Variants in SLIT2 observed in about 807,000 individuals in gnomAD.
SLIT2 encodes the protein slit guidance ligand 2.
In SLIT2, 41 loss-of-function variants were observed where a neutral mutation model predicts 185.7. The observed-to-expected ratio is 0.22, with a 90% confidence interval of 0.17 to 0.29. The LOEUF is 0.29. SLIT2 is among the 10% of genes least tolerant of loss of function. The pLI is 1.00. For missense variants in SLIT2, 1,571 were observed against 1,909.0 expected (o/e 0.82, Z 3.30); for synonymous variants, 693 against 680.2 (o/e 1.02, Z -0.29).
At chr4:20,455,504 AGATATT>A (rs1269920130) in intron 4 of SLIT2, among the ~76,000 whole-genome samples, 4 of 152,206 alleles carry the variant, frequency 2.6e-5, no homozygotes, top group African/African-American at 9.6e-5. Flanking sequence ...CAACAGAGAT[AGATATT>A]GATTTTAAAA....
At chr4:20,499,067 A>T (rs1718478198) in intron 9 of SLIT2, among the ~76,000 whole-genome samples, 1 of 152,186 alleles carries the variant, frequency 6.6e-6, no homozygotes, top group African/African-American at 2.4e-5. Context: ...TTTTCTCTGC[A>T]TCCACACCAT....
intron 4 of SLIT2, among the ~76,000 whole-genome samples, chr4:20,366,809 A>G (rs544053176): frequency 6.6e-6 from 1 of 151,872 alleles, no homozygotes. Context: ...TATTTTTTTT[A>G]ATTTTTGAAA....
At chr4:20,468,036 A>C (rs1714551394) in intron 5 of SLIT2, among the ~76,000 whole-genome samples, 1 of 152,136 alleles carries the variant, frequency 6.6e-6, no homozygotes, top group South Asian at 2.1e-4. Context: ...AGCCATCATT[A>C]AATTCATTCT....
chr4:20,598,159 AC>A, intron 32 of SLIT2, 105 bp from the exon 33 acceptor site: 1 of 1,052,596 alleles, frequency 9.5e-7, no homozygotes, highest in Non-Finnish European at 1.3e-6. Flanking sequence ...CATCAGGAAA[AC>A]ATAAACCATA....
At chr4:20,330,936 T>C (rs1019782462) in intron 4 of SLIT2, among the ~76,000 whole-genome samples, 1 of 152,122 alleles carries the variant, frequency 6.6e-6, no homozygotes, top group African/African-American at 2.4e-5. Context: ...ATGTTAAAAT[T>C]GGGTCTTTAA....
At chr4:20,368,942 A>G (rs1425665621) in intron 4 of SLIT2, among the ~76,000 whole-genome samples, 6 of 152,172 alleles carry the variant, frequency 3.9e-5, no homozygotes. Context: ...ATCAATAACA[A>G]GACCCTGTCC....
rs768319788 is a variant in SLIT2 at position 20,502,359 on chromosome 4, G to A, written c.915-8136G>A. On this transcript the variant is annotated intron_variant, in intron 9 of 36. Coordinates refer to ENST00000504154, the MANE Select transcript of SLIT2 (RefSeq NM_004787.4). ...CAAGAAGCACATGCAGAAAAGTGGC[G>A]TTTTAAAAAAGTACTTCTACATACT... 2.0e-4 allele frequency among the ~76,000 whole-genome samples: 31 copies of A among 152,276 alleles called. 1 individual carries two copies. The East Asian group carries it at 2.1e-3, about 10-fold the overall frequency.
At chr4:20,596,354 A>G (rs1391071255) in intron 31 of SLIT2, 61 bp from the exon 32 acceptor site, 1 of 1,519,234 alleles carries the variant, frequency 6.6e-7, no homozygotes, top group African/African-American at 1.4e-5. Context: ...ACAGCTCTCA[A>G]TTCAGATTGG....
rs117040911 is a variant in SLIT2, at chr4:20,532,041, T to C, written c.1671T>C (p.Leu557=). 4.2e-3 allele frequency: 6,651 copies of C among 1,568,450 alleles called. 193 individuals carry two copies. The South Asian group carries it at 0.058, about 14-fold the overall frequency. ...VLEATGIFKK[L]PQLRKINFSN... ...AAGCCACAGGAATCTTTAAGAAACT[T>C]CCTCAATTACGTAAAATGTAAGTCA... The change falls in exon 17 of 37, where the codon CTT becomes CTC. Residue 557 remains leucine (L), a synonymous_variant. Coordinates refer to ENST00000504154, the MANE Select transcript of SLIT2 (RefSeq NM_004787.4).
At chr4:20,388,768 C>A (rs536648544) in intron 4 of SLIT2, among the ~76,000 whole-genome samples, 3 of 125,766 alleles carry the variant, frequency 2.4e-5, no homozygotes, top group Admixed American at 8.6e-5. Context: ...AGCGAGACTC[C>A]GTCTCAGGGG....
At chr4:20,518,557 G>GTGTGTGTGTATATATATATATATATA (rs1271279922) in intron 11 of SLIT2, among the ~76,000 whole-genome samples, 2 of 17,848 alleles carry the variant, frequency 1.1e-4, no homozygotes, top group African/African-American at 4.4e-4. Context: ...CAGCCTATAT[G>GTGTGTGTGTATATATATATATATATA]TATATATATA....
intron 4 of SLIT2, among the ~76,000 whole-genome samples, chr4:20,426,790 G>A (rs953960464): frequency 4.6e-5 from 7 of 152,150 alleles, no homozygotes; most frequent in African/African-American, 1.7e-4. Context: ...ACAATGATAA[G>A]TAGTGCATAT....
At chr4:20,413,208 C>A (rs924432823) in intron 4 of SLIT2, among the ~76,000 whole-genome samples, 7 of 151,852 alleles carry the variant, frequency 4.6e-5, no homozygotes, top group African/African-American at 1.7e-4. Flanking sequence ...ACATAATTTT[C>A]TTTTGTTCTC....
At chr4:20,506,639 A>T (rs1490498441) in intron 9 of SLIT2, among the ~76,000 whole-genome samples, 1 of 152,042 alleles carries the variant, frequency 6.6e-6, no homozygotes, top group African/African-American at 2.4e-5. Context: ...GGTTTAGTTT[A>T]TCAAATATAT....
intron 7 of SLIT2, among the ~76,000 whole-genome samples, chr4:20,487,858 T>C (rs1717396211): frequency 6.6e-6 from 1 of 152,202 alleles, no homozygotes; most frequent in Non-Finnish European, 1.5e-5. Context: ...TTTTATAGCC[T>C]AATTATCTTT....
intron 3 of SLIT2, among the ~76,000 whole-genome samples, chr4:20,266,191 A>C (rs1713016349): frequency 1.3e-5 from 2 of 152,066 alleles, no homozygotes; most frequent in East Asian, 3.9e-4. Flanking sequence ...GAAAAAAAAA[A>C]ACCACTTCTT....
chr4:20,313,345 A>G (rs972460296), intron 4 of SLIT2, among the ~76,000 whole-genome samples: 1 of 152,122 alleles, frequency 6.6e-6, no homozygotes, highest in Non-Finnish European at 1.5e-5. Flanking sequence ...AGGGAGGCAG[A>G]TGCCGTATGT....
intron 4 of SLIT2, among the ~76,000 whole-genome samples, chr4:20,465,548 C>T (rs1714244270): frequency 6.6e-6 from 1 of 152,124 alleles, no homozygotes; most frequent in Admixed American, 6.6e-5. Flanking sequence ...ACTCAGGGGA[C>T]AACCACACAT....
intron 2 of SLIT2, 91 bp from the exon 3 acceptor site, chr4:20,257,777 G>C: frequency 1.4e-6 from 1 of 727,984 alleles, no homozygotes; most frequent in Admixed American, 2.3e-5. Flanking sequence ...TTTATAAAGG[G>C]AAAGAGTTTA....
Sources: allele counts gnomAD v4.1 joint callset (sites outside exome capture counted in the v4.1 genomes callset), GRCh38; gene constraint gnomAD v4.1.1; transcripts MANE v1.5; gene names NCBI Gene and HGNC (gene_info 2026-07-23, HGNC 2026-07-21).